Variants in C9orf85 observed in about 807,000 individuals in gnomAD.
C9orf85 encodes chromosome 9 open reading frame 85, also known as uncharacterized protein C9orf85.
In C9orf85, 16 loss-of-function variants were observed where a neutral mutation model predicts 14.9. The ratio of observed to expected loss-of-function variants is 1.08; its 90% CI spans 0.73 to 1.63. C9orf85 has a LOEUF of 1.63. Ranked by LOEUF, C9orf85 falls within the 40% of genes most tolerant of loss-of-function variation. C9orf85 has a pLI of 0.00. For missense variants in C9orf85, 172 were observed against 186.1 expected (o/e 0.92, Z 0.44); for synonymous variants, 45 against 56.8 (o/e 0.79, Z 0.93).
intron 2 of C9orf85, among the ~76,000 whole-genome samples, chr9:71,964,010 G>C (rs1822608623): frequency 6.6e-6 from 1 of 152,212 alleles, no homozygotes; most frequent in Non-Finnish European, 1.5e-5. Flanking sequence ...CCTGAGTCTG[G>C]TGGGGACGTG....
In C9orf85 at chr9:71,971,552, G is replaced by A. The variant is rs762543748; in HGVS notation, c.257G>A (p.Cys86Tyr). 1.2e-6 allele frequency: 2 copies of A among 1,612,458 alleles called. No individual in the cohort carries two copies. The highest frequency in any genetic ancestry group is 1.7e-6 in the Non-Finnish European group (2 of 1,179,128). The change falls in exon 3 of 4, where the codon TGC (cysteine) becomes TAC (tyrosine). Residue 86 changes from cysteine to tyrosine, a missense_variant. Cys to Tyr is a radical substitution (Grantham distance 194). Transcript: ENST00000334731. ...KTVKDSYHIM[C>Y]RPCACELEVC... Reference sequence around the variant, plus strand: ...GTGAAGGATTCTTATCACATAATGTGCAGGCCATGTGCCTGTGAACTTGAA... The same window carrying A: ...GTGAAGGATTCTTATCACATAATGTACAGGCCATGTGCCTGTGAACTTGAA...
At chr9:71,979,133 G>A (rs1236486223) in intron 3 of C9orf85, among the ~76,000 whole-genome samples, 1 of 152,186 alleles carries the variant, frequency 6.6e-6, no homozygotes, top group Non-Finnish European at 1.5e-5. Flanking sequence ...GTAATGTATT[G>A]TTGTGAAATC....
intron 1 of C9orf85, among the ~76,000 whole-genome samples, chr9:71,939,797 A>G (rs1828285900): frequency 6.6e-6 from 1 of 152,200 alleles, no homozygotes; most frequent in African/African-American, 2.4e-5. Context: ...GAATCCAGAA[A>G]TAGACCTTAC....
intron 1 of C9orf85, among the ~76,000 whole-genome samples, chr9:71,921,821 T>G (rs183972022): frequency 6.6e-6 from 1 of 152,310 alleles, no homozygotes; most frequent in African/African-American, 2.4e-5. Context: ...TTAGGATTCT[T>G]TAGTTGCTAA....
At chr9:71,928,504 A>G (rs10746896) in intron 1 of C9orf85, among the ~76,000 whole-genome samples, 137,205 of 152,146 alleles carry the variant, frequency 0.9, 63,437 homozygotes, top group East Asian at 1. Flanking sequence ...TGTAGACAAT[A>G]AAGAGATGGT....
At chr9:71,937,470 A>C (rs1828218547) in intron 1 of C9orf85, among the ~76,000 whole-genome samples, 1 of 152,226 alleles carries the variant, frequency 6.6e-6, no homozygotes, top group Non-Finnish European at 1.5e-5. Flanking sequence ...TCTTTGGATA[A>C]AAATGTGATT....
At chr9:71,982,485 G>C (rs995130413) in intron 3 of C9orf85, among the ~76,000 whole-genome samples, 4 of 152,094 alleles carry the variant, frequency 2.6e-5, no homozygotes, top group Non-Finnish European at 5.9e-5. Context: ...GGTAATAGCT[G>C]CACCCTTTTA....
intron 1 of C9orf85, among the ~76,000 whole-genome samples, chr9:71,938,018 A>T (rs925969364): frequency 6.6e-6 from 1 of 152,136 alleles, no homozygotes; most frequent in Admixed American, 6.6e-5. Flanking sequence ...ACTCATTTCA[A>T]AAGTATTTCT....
At chr9:71,978,887 T>C (rs1039528304) in intron 3 of C9orf85, among the ~76,000 whole-genome samples, 4 of 152,078 alleles carry the variant, frequency 2.6e-5, no homozygotes, top group African/African-American at 7.2e-5. Flanking sequence ...TACAAAAAAT[T>C]AGCCGGGCGT....
downstream of C9orf85, chr9:71,973,470 ATGTTT>A (rs1336236218): frequency 7.9e-5 from 12 of 152,102 alleles, no homozygotes; most frequent in African/African-American, 2.9e-4. Context: ...CCTGTCGCTT[ATGTTT>A]AATTTTTACA....
downstream of C9orf85, among the ~76,000 whole-genome samples, chr9:71,977,776 G>A (rs921549613): frequency 5.3e-5 from 8 of 151,884 alleles, no homozygotes; most frequent in African/African-American, 1.9e-4. Context: ...GTTCAGATTT[G>A]TCAGCAATAC....
intron 1 of C9orf85, among the ~76,000 whole-genome samples, chr9:71,938,667 TGA>T (rs1050603913): frequency 7.2e-5 from 11 of 152,086 alleles, no homozygotes; most frequent in Middle Eastern, 3.5e-3. Context: ...TTTTTTACTA[TGA>T]GATTTTGCAT....
chr9:71,965,657 T>C (rs535351259), intron 2 of C9orf85, among the ~76,000 whole-genome samples: 14 of 152,286 alleles, frequency 9.2e-5, no homozygotes, highest in African/African-American at 3.1e-4. Flanking sequence ...GTTCTCTAAC[T>C]CCTGGGCTCA....
chr9:71,959,510 A>AT (rs1347911643), intron 2 of C9orf85, among the ~76,000 whole-genome samples: 2 of 152,242 alleles, frequency 1.3e-5, no homozygotes, highest in African/African-American at 4.8e-5. Context: ...GCAAGAACAG[A>AT]TAAGGAGGTA....
At chr9:71,921,815 G>T (rs1161506647) in intron 1 of C9orf85, among the ~76,000 whole-genome samples, 1 of 152,068 alleles carries the variant, frequency 6.6e-6, no homozygotes, top group East Asian at 1.9e-4. Context: ...TTAGCATTAG[G>T]ATTCTTTAGT....
At position 71,972,699 on chromosome 9, in the gene C9orf85, A is replaced by G. The variant is rs1259190508; in HGVS notation, c.331A>G (p.Lys111Glu). The change falls in exon 4 of 4, where the codon AAA becomes GAA. Residue 111 changes from lysine to glutamate, a missense_variant. By Grantham distance (56) the Lys-to-Glu change is moderately conservative. Coordinates refer to ENST00000334731, the MANE Select transcript of C9orf85 (RefSeq NM_182505.5). ...KKEDIVIPLN[K>E]ETEKIEHTEN... ...TTTTTCTTTCATCTTTAGGTTGAAT[A>G]AAGAAACAGAAAAAATAGAACATAC... 2 of 1,576,634 alleles carry G rather than the reference A, an allele frequency of 1.3e-6. No homozygotes were observed. The highest frequency in any genetic ancestry group is 1.8e-5 in the Admixed American group (1 of 55,482).
chr9:71,914,928 C>CATTT (rs1454831940), intron 1 of C9orf85, among the ~76,000 whole-genome samples: 1 of 152,096 alleles, frequency 6.6e-6, no homozygotes, highest in Non-Finnish European at 1.5e-5. Flanking sequence ...CTTTTCTAGT[C>CATTT]ATTTAGTACT....
At chr9:71,980,273 C>G (rs1823074894) in intron 3 of C9orf85, among the ~76,000 whole-genome samples, 2 of 152,234 alleles carry the variant, frequency 1.3e-5, no homozygotes, top group African/African-American at 4.8e-5. Flanking sequence ...CTCAGCCTTC[C>G]AAAGTGCTGG....
intron 1 of C9orf85, among the ~76,000 whole-genome samples, chr9:71,936,771 T>C (rs1828201134): frequency 7.0e-4 from 1 of 1,420 alleles, no homozygotes; most frequent in Admixed American, 0.024. Context: ...TTGTTCAAGC[T>C]TTTTTTTTTT....
Sources: allele counts gnomAD v4.1 joint callset (sites outside exome capture counted in the v4.1 genomes callset), GRCh38; gene constraint gnomAD v4.1.1; transcripts MANE v1.5; gene names NCBI Gene and HGNC (gene_info 2026-07-23, HGNC 2026-07-21).